Variants in PLIN2 observed in about 807,000 individuals in gnomAD.
PLIN2 encodes the protein perilipin 2.
A neutral mutation model predicts 30.6 loss-of-function variants in PLIN2; 33 were observed. The observed-to-expected ratio is 1.08, with a 90% CI of 0.82 to 1.44. PLIN2 has a LOEUF of 1.44. Among genes scored for constraint, PLIN2 ranks in the 40% most tolerant of loss-of-function variants. PLIN2 has a pLI of 0.00. For missense variants in PLIN2, 610 were observed against 531.8 expected (o/e 1.15, Z -1.45); for synonymous variants, 205 against 201.1 (o/e 1.02, Z -0.16).
At chr9:19,122,806 G>A (rs1818339641) in intron 4 of PLIN2, among the ~76,000 whole-genome samples, 1 of 152,010 alleles carries the variant, frequency 6.6e-6, no homozygotes, top group African/African-American at 2.4e-5. Flanking sequence ...TAAATATAGT[G>A]CACTTGAATC....
intron 2 of PLIN2, among the ~76,000 whole-genome samples, chr9:19,109,959 G>GA (rs74512950): frequency 0.02 from 2,892 of 142,130 alleles, 47 homozygotes; most frequent in African/African-American, 0.042. Context: ...CTGTTTACAG[G>GA]AAAAAAAAAA....
chr9:19,112,608 T>C (rs1818171792), downstream of PLIN2, among the ~76,000 whole-genome samples: 1 of 149,136 alleles, frequency 6.7e-6, no homozygotes, highest in South Asian at 2.1e-4. Context: ...CTCAGGACAC[T>C]GAGGAGGGAG....
At position 19,116,506 on chromosome 9, in the gene PLIN2, G is replaced by A; in HGVS notation, c.1056C>T (p.Asp352=). 1 of 1,614,152 alleles carries A rather than the reference G, an allele frequency of 6.2e-7. No homozygotes were observed. The change falls in exon 8 of 8, where the codon GAC becomes GAT. Residue 352 remains aspartate (D), a synonymous_variant. Transcript: ENST00000276914. ...CAGCATTGCGGAACACTGAGTAGAT[G>A]TCGCCTGCCATCACCCCCATGTGCT... The part of the protein sequence containing the change: ...QAKHMGVMAG[D]IYSVFRNAAS...
chr9:19,113,223 C>T (rs1269727045), downstream of PLIN2, among the ~76,000 whole-genome samples: 1 of 151,872 alleles, frequency 6.6e-6, no homozygotes, highest in Admixed American at 6.6e-5. Flanking sequence ...CACGCCTATA[C>T]TTGGGAGGCT....
intron 3 of PLIN2, 38 bp downstream of exon 3, chr9:19,126,076 C>T (rs369552243): frequency 3.8e-6 from 6 of 1,576,938 alleles, no homozygotes; most frequent in Middle Eastern, 3.4e-4. Flanking sequence ...CGCCACTGAC[C>T]AGTCCCTTGA....
chr9:19,112,906 C>T (rs1230787913), downstream of PLIN2, among the ~76,000 whole-genome samples: 5 of 151,926 alleles, frequency 3.3e-5, no homozygotes, highest in East Asian at 9.7e-4. Flanking sequence ...TGCCCCTGCT[C>T]AGGAAGAAGA....
intron 4 of PLIN2, chr9:19,123,293 G>C: frequency 1.4e-6 from 2 of 1,428,096 alleles, no homozygotes; most frequent in South Asian, 1.3e-5. Context: ...ACTTGAGACA[G>C]CAATTTCATT....
intron 3 of PLIN2, among the ~76,000 whole-genome samples, chr9:19,124,354 A>T (rs1818365163): frequency 6.6e-6 from 1 of 152,114 alleles, no homozygotes; most frequent in Non-Finnish European, 1.5e-5. Flanking sequence ...ACTTCAGCAC[A>T]GGTCAGTGTA....
chr9:19,112,061 G>C (rs1161467364), downstream of PLIN2, among the ~76,000 whole-genome samples: 2 of 152,116 alleles, frequency 1.3e-5, no homozygotes, highest in Non-Finnish European at 2.9e-5. Flanking sequence ...AATTTAAAAA[G>C]CACACCCCCA....
downstream of PLIN2, among the ~76,000 whole-genome samples, chr9:19,115,603 G>A (rs866937668): frequency 5.3e-5 from 8 of 152,132 alleles, no homozygotes; most frequent in East Asian, 3.9e-4. Flanking sequence ...CACAGCACCC[G>A]GCCAAGCATC....
chr9:19,119,336 A>G (rs549767711), intron 6 of PLIN2, among the ~76,000 whole-genome samples: 2 of 152,346 alleles, frequency 1.3e-5, no homozygotes, highest in East Asian at 3.9e-4. Context: ...TGTCTCTTGA[A>G]TCAGTCCCTT....
chr9:19,118,817 C>T (rs1038765747), intron 6 of PLIN2, among the ~76,000 whole-genome samples: 3 of 152,144 alleles, frequency 2.0e-5, no homozygotes, highest in Admixed American at 2.0e-4. Context: ...CTTAGCCTAC[C>T]GAGTAGCTGG....
At chr9:19,113,863 C>A (rs1039481483), downstream of PLIN2, among the ~76,000 whole-genome samples, 5 of 151,760 alleles carry the variant, frequency 3.3e-5, no homozygotes, top group African/African-American at 1.2e-4. Flanking sequence ...CAACCTCCAC[C>A]TCCCGGGTTC....
rs1020581825 is a variant in PLIN2 at position 19,125,149 on chromosome 9, G to A, written c.226+965C>T. ...GTATGACATTTCTATTCTTTATTTCGGTAAAATATACATAACAAATTTCAC... is the reference window on the plus strand; with the variant it reads ...GTATGACATTTCTATTCTTTATTTCAGTAAAATATACATAACAAATTTCAC... On this transcript the variant is annotated intron_variant, in intron 3 of 7. Coordinates refer to ENST00000276914, the MANE Select transcript of PLIN2 (RefSeq NM_001122.4). Among the ~76,000 whole-genome samples the A allele has an allele frequency of 1.1e-4, 16 of 151,970 alleles. No individual in the cohort carries two copies. In the South Asian group the frequency reaches 1.7e-3, roughly 16 times the overall value.
rs1316492191 is a variant in PLIN2 at position 19,116,070 on chromosome 9, A to C, written c.*178T>G. Reference sequence around the variant, plus strand: ...CATTCTTTTCTTACCAGGTGAACAGAAATCATCTGCTAATGCCAGAAACTT... The same window carrying C: ...CATTCTTTTCTTACCAGGTGAACAGCAATCATCTGCTAATGCCAGAAACTT... On this transcript the variant is annotated 3_prime_UTR_variant, in exon 8 of 8. Coordinates refer to ENST00000276914, the MANE Select transcript of PLIN2 (RefSeq NM_001122.4). The C allele has an allele frequency of 3.7e-6, 2 of 539,964 alleles. No homozygotes were observed. Among genetic ancestry groups the C allele is most frequent in the Admixed American group, 7.1e-5 (2 of 28,300 alleles). 33.4% of individuals were successfully genotyped at this position (539,964 alleles called of 1,614,324 possible).
chr9:19,110,151 G>A (rs1022140003), intron 2 of PLIN2, among the ~76,000 whole-genome samples: 1 of 151,934 alleles, frequency 6.6e-6, no homozygotes, highest in Non-Finnish European at 1.5e-5. Context: ...AGTTTCCCGA[G>A]TAACTGGGAT....
intron 7 of PLIN2, among the ~76,000 whole-genome samples, chr9:19,117,579 C>G (rs944767167): frequency 6.6e-6 from 1 of 151,852 alleles, no homozygotes; most frequent in African/African-American, 2.4e-5. Flanking sequence ...ACTCAACTAC[C>G]CCCACTCCAA....
chr9:19,126,355 CA>C, intron 2 of PLIN2, 41 bp downstream of exon 2: 1 of 1,613,588 alleles, frequency 6.2e-7, no homozygotes, highest in South Asian at 1.1e-5. Flanking sequence ...TCTCAAAACA[CA>C]AAAGGAGAGA....
downstream of PLIN2, chr9:19,115,745 T>C (rs1818211406): frequency 6.5e-6 from 1 of 153,140 alleles, no homozygotes; most frequent in Admixed American, 6.5e-5. Flanking sequence ...ACAAAGCATA[T>C]GGAACAAACA....
Sources: allele counts gnomAD v4.1 joint callset (sites outside exome capture counted in the v4.1 genomes callset), GRCh38; gene constraint gnomAD v4.1.1; transcripts MANE v1.5; gene names NCBI Gene and HGNC (gene_info 2026-07-23, HGNC 2026-07-21).